Variants in PHEX observed in about 807,000 individuals in gnomAD.
PHEX encodes phosphate regulating endopeptidase X-linked.
Under a neutral mutation model 68.0 loss-of-function variants are expected in PHEX, and 16 were observed. That is an observed-to-expected ratio of 0.24 (90% CI 0.16 to 0.36). The LOEUF (loss-of-function observed/expected upper bound fraction) is 0.36. Among genes scored for constraint, PHEX ranks in the 10% least tolerant of loss-of-function variants. The probability of loss-of-function intolerance (pLI) is 1.00; values close to 1 mark genes in which losing one functional copy is unlikely to be tolerated. For synonymous variants in PHEX, 208 were observed against 205.1 expected, an observed-to-expected ratio of 1.01 and a Z score of -0.12; for missense variants, 480 against 575.5, an observed-to-expected ratio of 0.83 and a Z score of 1.70.
intron 12 of PHEX, among the ~76,000 whole-genome samples, chrX:22,158,357 T>C (rs1346498771): frequency 8.9e-6 from 1 of 112,288 alleles, no homozygotes; most frequent in Non-Finnish European, 1.9e-5. Flanking sequence ...TCAAAGCCAC[T>C]GCAAGCTTAG....
chrX:22,221,702 A>C lies in PHEX; in HGVS notation c.1858A>C (p.Asn620His). The C allele has an allele frequency of 8.3e-7, 1 of 1,204,165 alleles. No homozygotes were observed. Among genetic ancestry groups the C allele is most frequent in the Non-Finnish European group, 1.1e-6 (1 of 888,160 alleles). ...TAAGGAAAAAACAAAATGCATGATT[A>C]ACCAGTATAGCAACTATTATTGGAA... ...KFKEKTKCMI[N>H]QYSNYYWKKA... The change falls in exon 18 of 22, where the codon AAC (asparagine) becomes CAC (histidine). Residue 620 changes from asparagine (N) to histidine (H), a missense_variant. Physicochemically the swap from Asn to His is moderately conservative, Grantham distance 68. Transcript: ENST00000379374.
intron 1 of PHEX, among the ~76,000 whole-genome samples, chrX:22,036,266 G>A (rs1419630624): frequency 9.3e-6 from 1 of 107,843 alleles, no homozygotes; most frequent in Non-Finnish European, 1.9e-5. Context: ...CACCATGTTG[G>A]CCAGGCTGGT....
chrX:22,072,328 G>A (rs772744443), intron 3 of PHEX, among the ~76,000 whole-genome samples: 93 of 109,350 alleles, frequency 8.5e-4, no homozygotes, highest in African/African-American at 2.6e-3. Flanking sequence ...GGAGAATCGC[G>A]TGAACCTGGG....
intron 5 of PHEX, among the ~76,000 whole-genome samples, chrX:22,081,397 T>C (rs1929387761): frequency 1.8e-5 from 2 of 112,069 alleles, no homozygotes; most frequent in African/African-American, 6.5e-5. Flanking sequence ...CTTTTGCTGC[T>C]TGAAAGATCC....
intron 16 of PHEX, 42 bp downstream of exon 16, chrX:22,213,000 A>G (rs1602395883): frequency 1.0e-6 from 1 of 973,858 alleles, no homozygotes; most frequent in African/African-American, 1.9e-5. Context: ...ACCAATTAGG[A>G]AGAACATGTT....
chrX:22,132,620 C>T (rs1312088694), intron 11 of PHEX, among the ~76,000 whole-genome samples: 1 of 111,929 alleles, frequency 8.9e-6, no homozygotes, highest in Admixed American at 9.5e-5. Flanking sequence ...TCTGTGTTAA[C>T]AGTTATCTCT....
In PHEX at chrX:22,248,238, A is replaced by G; in HGVS notation, c.*285A>G. The G allele has an allele frequency of 2.9e-6, 1 of 341,283 alleles. No individual in the cohort carries two copies. The highest frequency in any genetic ancestry group is 5.2e-6 in the Non-Finnish European group (1 of 192,018). The allele number at this position is 341,283 out of a possible 1,213,427, so 28.1% of individuals were successfully genotyped here. A position where few individuals can be genotyped will look rare whatever the true frequency, so the allele number is the denominator to read the frequency against. ...AAATGCTATCTGCTAAATTGTTGCTATTGTCCATTTTAGGGTGTTGGCCAC... is the reference window on the plus strand; with the variant it reads ...AAATGCTATCTGCTAAATTGTTGCTGTTGTCCATTTTAGGGTGTTGGCCAC... On this transcript the variant is annotated 3_prime_UTR_variant, in exon 22 of 22. Coordinates refer to ENST00000379374, the MANE Select transcript of PHEX (RefSeq NM_000444.6).
chrX:22,046,658 C>G (rs1372351621), intron 2 of PHEX, among the ~76,000 whole-genome samples: 1 of 107,129 alleles, frequency 9.3e-6, no homozygotes, highest in Non-Finnish European at 1.9e-5. Context: ...ACCTCTGCCT[C>G]CTAGGTTTAA....
intron 19 of PHEX, among the ~76,000 whole-genome samples, chrX:22,226,783 A>G (rs898903494): frequency 8.9e-6 from 1 of 111,767 alleles, no homozygotes; most frequent in Non-Finnish European, 1.9e-5. Flanking sequence ...TACATTCACC[A>G]TCAGATCGAA....
At chrX:22,085,341 G>A (rs1026548873) in intron 5 of PHEX, among the ~76,000 whole-genome samples, 2 of 110,997 alleles carry the variant, frequency 1.8e-5, no homozygotes, top group African/African-American at 3.3e-5. Flanking sequence ...ATGGGAGGTC[G>A]AGGCAGGTGG....
chrX:22,058,502 C>A (rs1311327871), intron 3 of PHEX, among the ~76,000 whole-genome samples: 1 of 111,843 alleles, frequency 8.9e-6, no homozygotes, highest in East Asian at 2.8e-4. Flanking sequence ...TCTCAAACTC[C>A]CCACATGCCT....
chrX:22,184,951 T>G (rs1372305347), intron 14 of PHEX, among the ~76,000 whole-genome samples: 3 of 112,564 alleles, frequency 2.7e-5, no homozygotes, highest in Non-Finnish European at 5.6e-5. Context: ...ACACTATTGC[T>G]TTTCCATTCC....
At chrX:22,186,624 G>T (rs1406144708) in intron 14 of PHEX, among the ~76,000 whole-genome samples, 1 of 112,643 alleles carries the variant, frequency 8.9e-6, no homozygotes, top group Non-Finnish European at 1.9e-5. Context: ...TACTGGTGCA[G>T]CTGCTTAATA....
At chrX:22,085,558 A>AG in intron 5 of PHEX, among the ~76,000 whole-genome samples, 1 of 105,576 alleles carries the variant, frequency 9.5e-6, no homozygotes. Flanking sequence ...CTGGGCAACA[A>AG]AGCGAGACTC....
chrX:22,102,186 T>C (rs146777499), intron 9 of PHEX, among the ~76,000 whole-genome samples: 22 of 111,888 alleles, frequency 2.0e-4, no homozygotes, highest in Admixed American at 1.5e-3. Context: ...TATTTTTTTG[T>C]ACCCATTAAC....
intron 15 of PHEX, among the ~76,000 whole-genome samples, chrX:22,203,730 T>C (rs969573119): frequency 9.0e-6 from 1 of 111,573 alleles, no homozygotes; most frequent in Non-Finnish European, 1.9e-5. Flanking sequence ...CAATTTAAAC[T>C]CTTTTTGTTC....
intron 16 of PHEX, 53 bp downstream of exon 16, chrX:22,213,011 G>T (rs990259966): frequency 1.1e-6 from 1 of 927,602 alleles, no homozygotes; most frequent in African/African-American, 1.9e-5. Context: ...AGAACATGTT[G>T]CTTTGGTAGA....
intron 12 of PHEX, among the ~76,000 whole-genome samples, chrX:22,150,145 A>G (rs1007596941): frequency 8.1e-5 from 9 of 111,574 alleles, no homozygotes; most frequent in Non-Finnish European, 1.1e-4. Context: ...TAAAAAAATA[A>G]AAAAAATAAA....
intron 20 of PHEX, among the ~76,000 whole-genome samples, chrX:22,234,986 T>C (rs886677006): frequency 9.0e-6 from 1 of 111,665 alleles, no homozygotes; most frequent in Non-Finnish European, 1.9e-5. Context: ...TCTCCTCCTG[T>C]TCTGCAGGTT....
Sources: allele counts gnomAD v4.1 joint callset (sites outside exome capture counted in the v4.1 genomes callset), GRCh38; gene constraint gnomAD v4.1.1; transcripts MANE v1.5; gene names NCBI Gene and HGNC (gene_info 2026-07-23, HGNC 2026-07-21).